DUOX2: variants seen among roughly 807,000 people sequenced by gnomAD.
The protein encoded by DUOX2 is dual oxidase 2.
A neutral mutation model predicts 183.3 loss-of-function variants in DUOX2; 185 were observed. The observed-to-expected ratio is 1.01, with a 90% CI of 0.90 to 1.14. The LOEUF is 1.14. Among genes scored for constraint, DUOX2 ranks in the 50% most tolerant of loss-of-function variants. The pLI is 0.00. For missense variants in DUOX2, 1,999 were observed against 2,022.9 expected, an observed-to-expected ratio of 0.99 and a Z score of 0.23; for synonymous variants, 788 against 812.4, an observed-to-expected ratio of 0.97 and a Z score of 0.51.
rs764868070 is a variant in DUOX2 at position 45,095,089 on chromosome 15, G to C, written c.4242C>G (p.Ile1414Met). The stretch of plus-strand genomic sequence containing the variant: ...GGGTCCGTGTCACCCAGATGAAGTA[G>C]ATCTGGGGACACAGGGCTGGAGATC... ...SLGSQMLCKK[I>M]YFIWVTRTQR... The change falls in exon 32 of 34, where the codon ATC (isoleucine) becomes ATG (methionine). Residue 1414 changes from isoleucine (I) to methionine (M), a missense_variant and splice_region_variant. Ile to Met is a conservative substitution (Grantham distance 10). This residue lies in a region of DUOX2 where 1,628 missense variants were observed against 1,608.6 expected (regional missense o/e 1.01). Coordinates refer to ENST00000389039, the MANE Select transcript of DUOX2 (RefSeq NM_001363711.2). 1 of 1,613,626 alleles carries C rather than the reference G, an allele frequency of 6.2e-7. No individual in the cohort carries two copies. Among genetic ancestry groups the C allele is most frequent in the Non-Finnish European group, 8.5e-7 (1 of 1,179,918 alleles).
intron 20 of DUOX2, among the ~76,000 whole-genome samples, 170 bp downstream of exon 20, chr15:45,103,790 T>A (rs953210386): frequency 6.6e-6 from 1 of 151,786 alleles, no homozygotes; most frequent in Non-Finnish European, 1.5e-5. Flanking sequence ...CAGGAGCCAG[T>A]CAGGTAAATA....
At position 45,110,440 on chromosome 15, in the gene DUOX2, C is replaced by G. The variant is rs751177706; in HGVS notation, c.1028G>C (p.Gly343Ala). Residue 343 changes from glycine to alanine, a missense_variant, in exon 9 of 34, where the codon GGT becomes GCT. Gly to Ala is a moderately conservative substitution (Grantham distance 60). Transcript: ENST00000389039. ...EQFFSTMVPP[G>A]VYMRNASCHF... ...ACCCCTCCCTCACCTCATGTAGACA[C>G]CAGGGGGCACCATGGTAGAGAAGAA... is the stretch of plus-strand genomic sequence containing the variant. The G allele has an allele frequency of 1.2e-6, 2 of 1,613,844 alleles. No homozygotes were observed. Among genetic ancestry groups the G allele is most frequent in the South Asian group, 2.2e-5 (2 of 91,038 alleles).
In DUOX2 at chr15:45,093,899, A is replaced by G; in HGVS notation, c.*251T>C. The G allele has an allele frequency of 2.0e-6, 1 of 499,442 alleles. No individual in the cohort carries two copies. Among genetic ancestry groups the G allele is most frequent in the Non-Finnish European group, 3.6e-6 (1 of 275,636 alleles). 30.9% of individuals were successfully genotyped at this position (499,442 alleles called of 1,614,324 possible). On this transcript the variant is annotated 3_prime_UTR_variant, in exon 34 of 34. Transcript: ENST00000389039. Reference sequence around the variant, plus strand: ...AAGGGCAGGAAGTCTGGAGGGCTGCAGGAATGGTGCCGTTGATAAACAGGT... The same window carrying G: ...AAGGGCAGGAAGTCTGGAGGGCTGCGGGAATGGTGCCGTTGATAAACAGGT...
rs761903270 is a variant in DUOX2 at position 45,108,771 on chromosome 15, A to G, written c.1398+18T>C. On this transcript the variant is annotated intron_variant, in intron 12 of 33. Coordinates refer to ENST00000389039, the MANE Select transcript of DUOX2 (RefSeq NM_001363711.2). ...TAGGAAAGCTTTAGCTGCCATTATTATCATTACTATTCCTGACCTGGGGGT... is the reference window on the plus strand; with the variant it reads ...TAGGAAAGCTTTAGCTGCCATTATTGTCATTACTATTCCTGACCTGGGGGT... 143 of 1,613,972 alleles carry G rather than the reference A, an allele frequency of 8.9e-5. No homozygotes were observed. In the East Asian group the frequency reaches 2.8e-3, roughly 32 times the overall value.
At position 45,100,238 on chromosome 15, in the gene DUOX2, G is replaced by A. The variant is rs1482279109; in HGVS notation, c.3006-10C>T. 7 of 1,611,498 alleles carry A rather than the reference G, an allele frequency of 4.3e-6. No homozygotes were observed. The highest frequency in any genetic ancestry group is 5.9e-6 in the Non-Finnish European group (7 of 1,179,166). Reference sequence around the variant, plus strand: ...AGTGGGCACTGCTGCCCTATAGCAAGGGGAGGCAGGGCAGCAGTGTGGTAA... The same window carrying A: ...AGTGGGCACTGCTGCCCTATAGCAAAGGGAGGCAGGGCAGCAGTGTGGTAA... On this transcript the variant is annotated splice_polypyrimidine_tract_variant and intron_variant, in intron 23 of 33. Transcript: ENST00000389039.
chr15:45,101,062 G>T, intron 22 of DUOX2, 143 bp downstream of exon 22: 1 of 789,762 alleles, frequency 1.3e-6, no homozygotes, highest in Non-Finnish European at 2.2e-6. Flanking sequence ...GAGAGAGGCA[G>T]CTGGAATGTT....
chr15:45,107,060 A>G (rs1894239099), intron 14 of DUOX2, 91 bp from the exon 15 acceptor site: 2 of 1,530,048 alleles, frequency 1.3e-6, no homozygotes, highest in Admixed American at 2.0e-5. Flanking sequence ...GGACCAAGGT[A>G]TCATCTGTCT....
At position 45,108,065 on chromosome 15, in the gene DUOX2, A is replaced by G. The variant is rs773634625; in HGVS notation, c.1556T>C (p.Phe519Ser). 9.9e-6 allele frequency: 16 copies of G among 1,613,864 alleles called. No individual in the cohort carries two copies. The highest frequency in any genetic ancestry group is 1.1e-5 in the South Asian group (1 of 91,078). Residue 519 changes from phenylalanine to serine, a missense_variant, in exon 13 of 34, where the codon TTT (phenylalanine) becomes TCT (serine). By Grantham distance (155) the Phe-to-Ser change is radical (BLOSUM62 -2). This residue lies in a region of DUOX2 where 1,628 missense variants were observed against 1,608.6 expected (regional missense o/e 1.01). Coordinates refer to ENST00000389039, the MANE Select transcript of DUOX2 (RefSeq NM_001363711.2). ...GCCTTACCCATTCCTGGTGTTCTCA[A>G]ACCAGTAGCGGTCACCATCCCGCAG... The part of the protein sequence containing the change: ...VRLRDGDRYW[F>S]ENTRNGLFSK...
intron 4 of DUOX2, among the ~76,000 whole-genome samples, 166 bp downstream of exon 4, chr15:45,112,388 C>T (rs1894452290): frequency 6.6e-6 from 1 of 152,156 alleles, no homozygotes; most frequent in Non-Finnish European, 1.5e-5. Flanking sequence ...TCTGTATCAA[C>T]ATCCCAAAAT....
chr15:45,095,110 A>T lies in DUOX2; in HGVS notation c.4240-19T>A. The T allele has an allele frequency of 6.2e-7, 1 of 1,611,324 alleles. No individual in the cohort carries two copies. On this transcript the variant is annotated intron_variant, in intron 31 of 33. Transcript: ENST00000389039. ...AGTAGATCTGGGGACACAGGGCTGGAGATCAGGACCCAGCTCAGTTCAGCC... is the reference window on the plus strand; with the variant it reads ...AGTAGATCTGGGGACACAGGGCTGGTGATCAGGACCCAGCTCAGTTCAGCC...
Position 45,095,096 on chromosome 15 carries a change from G to A in DUOX2, c.4240-5C>T, listed in dbSNP as rs1434106709. Reference sequence around the variant, plus strand: ...TGTCACCCAGATGAAGTAGATCTGGGGACACAGGGCTGGAGATCAGGACCC... The same window carrying A: ...TGTCACCCAGATGAAGTAGATCTGGAGACACAGGGCTGGAGATCAGGACCC... On this transcript the variant is annotated splice_region_variant and splice_polypyrimidine_tract_variant and intron_variant, in intron 31 of 33. Coordinates refer to ENST00000389039, the MANE Select transcript of DUOX2 (RefSeq NM_001363711.2). The A allele has an allele frequency of 2.5e-6, 4 of 1,613,052 alleles. No homozygotes were observed. In the African/African-American group the frequency reaches 5.3e-5, roughly 22 times the overall value.
At position 45,106,567 on chromosome 15, in the gene DUOX2, CT is replaced by C; in HGVS notation, c.1905del (p.Glu636ArgfsTer3). ...TTGGCTGCTTCCTTCTTCACGCTCT[CT>C]TTGAGTTTCTTTTGTAGCTTCTTGT... ...REHKKLQKKL[K>X]ESVKKEAAKD... On this transcript the variant is annotated frameshift_variant, in exon 16 of 34. Coordinates refer to ENST00000389039, the MANE Select transcript of DUOX2 (RefSeq NM_001363711.2). LOFTEE classifies it high-confidence loss of function. 1 of 1,614,218 alleles carries C rather than the reference CT, an allele frequency of 6.2e-7. No individual in the cohort carries two copies. The highest frequency in any genetic ancestry group is 2.2e-5 in the East Asian group (1 of 44,886).
At chr15:45,099,212 G>A (rs1238220892) in intron 26 of DUOX2, 171 bp downstream of exon 26, 33 of 557,684 alleles carry the variant, frequency 5.9e-5, no homozygotes, top group Non-Finnish European at 9.3e-5. Context: ...GGGTTTCACC[G>A]TGTTAGCCAG....
At chr15:45,101,766 G>A (rs752322468) in intron 21 of DUOX2, 27 bp downstream of exon 21, 1 of 1,614,116 alleles carries the variant, frequency 6.2e-7, no homozygotes, top group Admixed American at 1.7e-5. Context: ...CCCCCTCCCT[G>A]ACGCCAACCA....
At chr15:45,097,980 A>C in intron 27 of DUOX2, 29 bp downstream of exon 27, 2 of 1,612,174 alleles carry the variant, frequency 1.2e-6, no homozygotes, top group African/African-American at 2.7e-5. Context: ...AAGTCCTCAG[A>C]CAGAACCCCC....
chr15:45,109,690 C>T, intron 10 of DUOX2, 64 bp from the exon 11 acceptor site: 1 of 1,533,302 alleles, frequency 6.5e-7, no homozygotes, highest in Non-Finnish European at 9.0e-7. Flanking sequence ...TCAGCCTGGA[C>T]CACTTTAGTA....
At position 45,099,433 on chromosome 15, in the gene DUOX2, G is replaced by A; in HGVS notation, c.3465C>T (p.Ser1155=). 6.2e-7 allele frequency: 1 copy of A among 1,614,138 alleles called. No individual in the cohort carries two copies. The highest frequency in any genetic ancestry group is 1.1e-5 in the South Asian group (1 of 91,088). The part of the protein sequence containing the change: ...HAVNVYIFSV[S]PLSLLACIFP... ...ATATGCAGGCCAGCAGGCTGAGTGG[G>A]CTGACTGAGAAGATGTAGACATTGA... Residue 1155 remains serine, a synonymous_variant, in exon 26 of 34, where the codon AGC becomes AGT. Coordinates refer to ENST00000389039, the MANE Select transcript of DUOX2 (RefSeq NM_001363711.2).
chr15:45,094,679 G>T lies in DUOX2; in HGVS notation c.4408C>A (p.Arg1470=), dbSNP rs200785525. ...LRTTMLYICE[R]HFQKVLNRSL... ...CGGTTCAGCACTTTCTGGAAGTGCC[G>T]CTCGCAGATGTACTGGGGGCACAGG... Residue 1470 remains arginine, a synonymous_variant, in exon 33 of 34, where the codon CGG becomes AGG. Coordinates refer to ENST00000389039, the MANE Select transcript of DUOX2 (RefSeq NM_001363711.2). The T allele has an allele frequency of 2.9e-5, 47 of 1,613,972 alleles. 1 individual carries two copies. Among genetic ancestry groups the T allele is most frequent in the East Asian group, 2.7e-4 (12 of 44,860 alleles).
In DUOX2 at chr15:45,111,804, G is replaced by T. The variant is rs748438042; in HGVS notation, c.477C>A (p.Pro159=). The change falls in exon 5 of 34, where the codon CCC becomes CCA. Residue 159 remains proline, a synonymous_variant. Transcript: ENST00000389039. ...VLPFQRSRWD[P]ETGRSPSNPR... is the part of the protein sequence containing the mutation. ...GGTTGCTGGGACTCCGTCCGGTCTCGGGGTCCCAGCGGCTCCTCTGGAAGG... is the reference window on the plus strand; with the variant it reads ...GGTTGCTGGGACTCCGTCCGGTCTCTGGGTCCCAGCGGCTCCTCTGGAAGG... 1.9e-6 allele frequency: 3 copies of T among 1,611,984 alleles called. No homozygotes were observed. The highest frequency in any genetic ancestry group is 2.5e-6 in the Non-Finnish European group (3 of 1,179,386).
Sources: allele counts gnomAD v4.1 joint callset (sites outside exome capture counted in the v4.1 genomes callset), GRCh38; gene constraint gnomAD v4.1.1; regional missense constraint gnomAD v4.1.1; transcripts MANE v1.5; gene names NCBI Gene and HGNC (gene_info 2026-07-23, HGNC 2026-07-21).